KCNC3: variants seen among roughly 807,000 people sequenced by gnomAD.
KCNC3 encodes the protein voltage-gated potassium channel KCNC3.
KCNC3 carries 22 observed loss-of-function variants against 43.9 expected under a neutral mutation model. The ratio of observed to expected loss-of-function variants is 0.50; its 90% CI spans 0.36 to 0.72. KCNC3 has a LOEUF of 0.72. Ranked by LOEUF, KCNC3 falls within the 30% of genes least tolerant of loss-of-function variation. KCNC3 has a pLI of 0.00. For missense variants in KCNC3, 829 were observed against 1,073.8 expected (o/e 0.77, Z 3.19); for synonymous variants, 492 against 488.0 (o/e 1.01, Z -0.11).
At position 50,314,126 on chromosome 19, in the gene KCNC3, A is replaced by T. The variant is rs961752312; in HGVS notation, c.*1989T>A. On this transcript the variant is annotated 3_prime_UTR_variant, in exon 5 of 5. Coordinates refer to ENST00000477616, the MANE Select transcript of KCNC3 (RefSeq NM_004977.3). ...AGCAGGTCCCTGGGGGAAGGGGCGG[A>T]TGAGAGGGTGAAATTCACCAGAGGA... 1 of 152,194 alleles carries T rather than the reference A, an allele frequency of 6.6e-6. No homozygotes were observed. The highest frequency in any genetic ancestry group is 6.6e-5 in the Admixed American group (1 of 15,256). The allele number at this position is 152,194 out of a possible 1,614,324, so 9.4% of individuals were successfully genotyped here. A position where few individuals can be genotyped will look rare whatever the true frequency, so the allele number is the denominator to read the frequency against.
rs1232558368 is a variant in KCNC3 at position 50,328,314 on chromosome 19, G to T, written c.769C>A (p.Pro257Thr). The part of the protein sequence containing the change: ...FQDAGGGAGG[P>T]PGGAGGAGGT... ...CCCGCGCCGCCCGCGCCCCCTGGCG[G>T]CCCCCCGGCGCCGCCGCCCGCGTCC... Residue 257 changes from proline to threonine, a missense_variant, in exon 1 of 5, where the codon CCG becomes ACG. Pro to Thr is a conservative substitution (Grantham distance 38). This residue lies in a region of KCNC3 where 60 missense variants were observed against 56.0 expected (regional missense o/e 1.07). Transcript: ENST00000477616. 47 of 1,128,062 alleles carry T rather than the reference G, an allele frequency of 4.2e-5. No individual in the cohort carries two copies. Among genetic ancestry groups the T allele is most frequent in the Non-Finnish European group, 4.9e-5 (45 of 925,376 alleles). The allele number at this position is 1,128,062 out of a possible 1,614,324, so 69.9% of individuals were successfully genotyped here. A position where few individuals can be genotyped will look rare whatever the true frequency, so the allele number is the denominator to read the frequency against.
At chr19:50,330,561 G>T (rs1236970144), upstream of KCNC3, among the ~76,000 whole-genome samples, 1 of 152,140 alleles carries the variant, frequency 6.6e-6, no homozygotes, top group Non-Finnish European at 1.5e-5. Context: ...AAAGGGCGAG[G>T]CGAGAACTTC....
At chr19:50,316,203 C>T (rs1358406957) in intron 4 of KCNC3, 112 bp from the exon 5 acceptor site, 1 of 364,868 alleles carries the variant, frequency 2.7e-6, no homozygotes, top group Non-Finnish European at 5.1e-6. Context: ...GGATCATTTC[C>T]TCCTCTCTGG....
In KCNC3 at chr19:50,323,121, C is replaced by T. The variant is rs2037055570; in HGVS notation, c.1832G>A (p.Gly611Glu). The change falls in exon 2 of 5, where the codon GGG becomes GAG. Residue 611 changes from glycine to glutamate, a missense_variant. By Grantham distance (98) the Gly-to-Glu change is moderately conservative (BLOSUM62 -2). Transcript: ENST00000477616. The stretch of plus-strand genomic sequence containing the variant: ...CGTGTGGGGCCCCGCTGGGTAGGCC[C>T]CGGCCACAGTCACCCCCATGGAGGG... ...TPPSMGVTVAGAYPAGPHTHP... is the reference protein window; with the variant it reads ...TPPSMGVTVAEAYPAGPHTHP... The T allele has an allele frequency of 2.0e-6, 3 of 1,536,916 alleles. No individual in the cohort carries two copies. The highest frequency in any genetic ancestry group is 1.7e-6 in the Non-Finnish European group (2 of 1,144,704).
chr19:50,330,510 A>G (rs73592159), upstream of KCNC3, among the ~76,000 whole-genome samples: 9,348 of 152,102 alleles, frequency 0.061, 514 homozygotes, highest in African/African-American at 0.14. Context: ...TCGGGATCAG[A>G]AGACCTGGGA....
At chr19:50,319,451 T>C (rs1448784523) in intron 4 of KCNC3, among the ~76,000 whole-genome samples, 2 of 152,118 alleles carry the variant, frequency 1.3e-5, no homozygotes, top group Admixed American at 1.3e-4. Context: ...GCCTGCCTCA[T>C]ATCTACCTGA....
At chr19:50,328,117 G>C (rs1390235055) in intron 1 of KCNC3, 96 bp downstream of exon 1, 21 of 952,960 alleles carry the variant, frequency 2.2e-5, no homozygotes, top group Non-Finnish European at 2.7e-5. Flanking sequence ...GAAGCCTAGA[G>C]GGACCCGGAG....
rs1438550320 is a variant in KCNC3, at chr19:50,324,597, G to A, written c.871-515C>T. 6.6e-6 allele frequency among the ~76,000 whole-genome samples: 1 copy of A among 152,216 alleles called. No homozygotes were observed. The highest frequency in any genetic ancestry group is 2.4e-5 in the African/African-American group (1 of 41,452). On this transcript the variant is annotated intron_variant, in intron 1 of 4. Coordinates refer to ENST00000477616, the MANE Select transcript of KCNC3 (RefSeq NM_004977.3). The surrounding 1 kb of genome is among the most constrained non-coding windows in gnomAD (Gnocchi z 4.1). Reference sequence around the variant, plus strand: ...GGTGGTTAAGAGTCGGCGAGCCTGGGCATGAATCTGGCTTTTAACCTGTCA... The same window carrying A: ...GGTGGTTAAGAGTCGGCGAGCCTGGACATGAATCTGGCTTTTAACCTGTCA...
intron 4 of KCNC3, among the ~76,000 whole-genome samples, chr19:50,316,889 G>A (rs1369434127): frequency 2.0e-5 from 3 of 152,094 alleles, no homozygotes; most frequent in East Asian, 1.9e-4. Context: ...AGGGCTGGAG[G>A]GGGAAGGATC....
intron 4 of KCNC3, among the ~76,000 whole-genome samples, chr19:50,316,530 C>T (rs566425006): frequency 6.6e-6 from 1 of 152,154 alleles, no homozygotes; most frequent in South Asian, 2.1e-4. Flanking sequence ...CACTTGAGTC[C>T]AGGAGTTCGA....
chr19:50,329,004 G>T lies in KCNC3; in HGVS notation c.79C>A (p.Pro27Thr). 3 of 1,261,416 alleles carry T rather than the reference G, an allele frequency of 2.4e-6. No individual in the cohort carries two copies. The highest frequency in any genetic ancestry group is 2.2e-5 in the South Asian group (1 of 45,260). 78.1% of individuals were successfully genotyped at this position (1,261,416 alleles called of 1,614,324 possible). A position where few individuals can be genotyped will look rare whatever the true frequency, so the allele number is the denominator to read the frequency against. The stretch of plus-strand genomic sequence containing the variant: ...GGTGGCGGCGGCGGGGACTCGGGCG[G>T]CTGCGGCGGTGGCGCCGGCTGCTGC... Reference protein sequence around the residue: ...SKQQPAPPPQPPESPPPPPLP... With the variant: ...SKQQPAPPPQTPESPPPPPLP... Residue 27 changes from proline to threonine, a missense_variant, in exon 1 of 5, where the codon CCG (proline) becomes ACG (threonine). By Grantham distance (38) the Pro-to-Thr change is conservative. Transcript: ENST00000477616.
chr19:50,324,754 A>G lies in KCNC3; in HGVS notation c.871-672T>C, dbSNP rs150438791. Among the ~76,000 whole-genome samples the G allele has an allele frequency of 9.1e-3, 1,390 of 152,198 alleles. 20 individuals carry two copies. Among genetic ancestry groups the G allele is most frequent in the African/African-American group, 0.032 (1,324 of 41,504 alleles). On this transcript the variant is annotated intron_variant, in intron 1 of 4. Transcript: ENST00000477616. The surrounding 1 kb of genome is among the most constrained non-coding windows in gnomAD (Gnocchi z 4.1). ...TTGGAGCAGTGCCTGGAACACAGTA[A>G]GAAGACCTGAGCTGTTGTTAGGGTA...
chr19:50,325,761 G>A (rs1350685568), intron 1 of KCNC3, among the ~76,000 whole-genome samples: 1 of 152,070 alleles, frequency 6.6e-6, no homozygotes, highest in Non-Finnish European at 1.5e-5. Flanking sequence ...CCAGTACCGC[G>A]GACAGCTCCC....
In KCNC3 at chr19:50,323,849, G is replaced by A. The variant is rs1011930554; in HGVS notation, c.1104C>T (p.Thr368=). Residue 368 remains threonine (T), a synonymous_variant, in exon 2 of 5, where the codon ACC becomes ACT. Coordinates refer to ENST00000477616, the MANE Select transcript of KCNC3 (RefSeq NM_004977.3). ...WFTFEFLMRI[T]FCPDKVEFLK... ...GAAACTCCACCTTGTCTGGGCAGAA[G>A]GTGATGCGCATGAGGAACTCGAAGG... 5 of 1,614,076 alleles carry A rather than the reference G, an allele frequency of 3.1e-6. No homozygotes were observed. In the African/African-American group the frequency reaches 4.0e-5, roughly 13 times the overall value.
At chr19:50,319,161 G>A (rs547392297) in intron 4 of KCNC3, among the ~76,000 whole-genome samples, 2 of 152,114 alleles carry the variant, frequency 1.3e-5, no homozygotes, top group Admixed American at 6.5e-5. Flanking sequence ...TGAATGATTC[G>A]TCTACTAAAT....
intron 4 of KCNC3, among the ~76,000 whole-genome samples, chr19:50,318,991 CA>C (rs11326559): frequency 0.3 from 21,208 of 71,096 alleles, 947 homozygotes; most frequent in East Asian, 0.6. Context: ...AAGACAGTCT[CA>C]AAAAAAAAAA....
Position 50,323,518 on chromosome 19 carries a change from T to C in KCNC3, c.1435A>G (p.Ile479Val). Residue 479 changes from isoleucine to valine, a missense_variant, in exon 2 of 5, where the codon ATC becomes GTC. By Grantham distance (29) the Ile-to-Val change is conservative. Transcript: ENST00000477616. Reference protein sequence around the residue: ...AERIGADPDDILGSNHTYFKN... With the variant: ...AERIGADPDDVLGSNHTYFKN... ...AAGTAGGTGTGGTTGGAGCCCAGGA[T>C]GTCATCGGGGTCGGCGCCAATGCGC... 1 of 1,614,172 alleles carries C rather than the reference T, an allele frequency of 6.2e-7. No individual in the cohort carries two copies. The highest frequency in any genetic ancestry group is 8.5e-7 in the Non-Finnish European group (1 of 1,180,030).
intron 1 of KCNC3, among the ~76,000 whole-genome samples, chr19:50,327,973 C>T (rs1270811115): frequency 1.4e-5 from 2 of 144,350 alleles, no homozygotes; most frequent in Non-Finnish European, 3.0e-5. Context: ...GGAGGGGGAA[C>T]TTTGGAGGGG....
intron 2 of KCNC3, among the ~76,000 whole-genome samples, chr19:50,321,400 C>T (rs2037032311): frequency 1.3e-5 from 2 of 152,172 alleles, no homozygotes; most frequent in South Asian, 4.2e-4. Flanking sequence ...ACTGGGAGGT[C>T]GGCCTGCAGT....
Sources: allele counts gnomAD v4.1 joint callset (sites outside exome capture counted in the v4.1 genomes callset), GRCh38; gene constraint gnomAD v4.1.1; regional missense constraint gnomAD v4.1.1; non-coding constraint Gnocchi (gnomAD v3.1); transcripts MANE v1.5; gene names NCBI Gene and HGNC (gene_info 2026-07-23, HGNC 2026-07-21).